Variants in NSD1 observed in about 807,000 individuals in gnomAD.
NSD1 encodes histone-lysine N-methyltransferase, H3 lysine-36 specific.
Under a neutral mutation model 242.7 loss-of-function variants are expected in NSD1, and 26 were observed. That is an observed-to-expected ratio of 0.11 (90% CI 0.08 to 0.15). NSD1 has a LOEUF of 0.15. Ranked by LOEUF, NSD1 falls within the 10% of genes least tolerant of loss-of-function variation. The pLI, the probability that NSD1 is intolerant of heterozygous loss-of-function variation, is 1.00. For synonymous variants in NSD1, 1,106 were observed against 1,178.1 expected, an observed-to-expected ratio of 0.94 and a Z score of 1.25; for missense variants, 2,495 against 3,272.8, an observed-to-expected ratio of 0.76 and a Z score of 5.80.
chr5:177,148,685 C>T (rs1172306221), intron 2 of NSD1, among the ~76,000 whole-genome samples: 3 of 152,142 alleles, frequency 2.0e-5, no homozygotes, highest in Admixed American at 1.3e-4. Context: ...CTCGGCCTCC[C>T]GAAGTGCTGG....
At chr5:177,139,762 C>T (rs1445740364) in intron 2 of NSD1, among the ~76,000 whole-genome samples, 2 of 152,002 alleles carry the variant, frequency 1.3e-5, no homozygotes, top group African/African-American at 2.4e-5. Context: ...TGAAACTAGA[C>T]TGGGCAACAT....
At chr5:177,267,475 GAAAAT>G (rs1264735837) in intron 14 of NSD1, 82 bp from the exon 15 acceptor site, 2 of 1,129,112 alleles carry the variant, frequency 1.8e-6, no homozygotes, top group Non-Finnish European at 2.6e-6. Flanking sequence ...TGAAGAGAAA[GAAAAT>G]ATATATATAT....
At chr5:177,168,036 C>T (rs916518449) in intron 2 of NSD1, among the ~76,000 whole-genome samples, 2 of 152,160 alleles carry the variant, frequency 1.3e-5, no homozygotes, top group African/African-American at 2.4e-5. Flanking sequence ...GAATTTTCAT[C>T]GGGATTCCAC....
rs185567009 is a variant in NSD1, at chr5:177,144,809, C to T, written c.927+8779C>T. On this transcript the variant is annotated intron_variant, in intron 2 of 22. Coordinates refer to ENST00000439151, the MANE Select transcript of NSD1 (RefSeq NM_022455.5). Reference sequence around the variant, plus strand: ...TAGAAAAGTAATACTTGGCCGGGCGCGGTGGTTCACATCTATAATCCCAGC... The same window carrying T: ...TAGAAAAGTAATACTTGGCCGGGCGTGGTGGTTCACATCTATAATCCCAGC... 2.4e-3 allele frequency among the ~76,000 whole-genome samples: 362 copies of T among 152,100 alleles called. 3 individuals are homozygous for T. Among genetic ancestry groups the T allele is most frequent in the African/African-American group, 8.4e-3 (347 of 41,502 alleles).
chr5:177,281,282 A>G (rs978672009), intron 18 of NSD1, among the ~76,000 whole-genome samples: 1 of 152,162 alleles, frequency 6.6e-6, no homozygotes, highest in African/African-American at 2.4e-5. Context: ...TCTTCAACTT[A>G]AAACTTGGCA....
intron 2 of NSD1, among the ~76,000 whole-genome samples, chr5:177,180,456 A>G (rs1028996448): frequency 6.6e-6 from 1 of 151,768 alleles, no homozygotes; most frequent in Non-Finnish European, 1.5e-5. Context: ...GGGTCTTGCT[A>G]TGTTAGTCAG....
intron 2 of NSD1, among the ~76,000 whole-genome samples, chr5:177,171,260 T>G (rs1011392292): frequency 2.0e-5 from 3 of 151,300 alleles, no homozygotes; most frequent in Non-Finnish European, 4.4e-5. Context: ...TGAGCCAAGA[T>G]CACGCCGCTG....
intron 2 of NSD1, among the ~76,000 whole-genome samples, chr5:177,159,509 C>T (rs537706469): frequency 6.6e-6 from 1 of 152,008 alleles, no homozygotes; most frequent in African/African-American, 2.4e-5. Flanking sequence ...TCTCAAAACT[C>T]CTGACCTCAG....
At chr5:177,226,555 C>G (rs1021591981) in intron 5 of NSD1, among the ~76,000 whole-genome samples, 1 of 152,156 alleles carries the variant, frequency 6.6e-6, no homozygotes, top group Non-Finnish European at 1.5e-5. Flanking sequence ...CTTTCCTTCA[C>G]TTGAGAGATC....
chr5:177,235,738 T>TG, intron 5 of NSD1, 83 bp from the exon 6 acceptor site: 1 of 1,565,560 alleles, frequency 6.4e-7, no homozygotes, highest in East Asian at 2.2e-5. Context: ...TGGTTACTTT[T>TG]GGGAGTATCA....
In NSD1 at chr5:177,269,170, A is replaced by AT. The variant is rs1757758925; in HGVS notation, c.5304-432_5304-431insT. Among the ~76,000 whole-genome samples, 1 of 151,636 alleles carries AT rather than the reference A, an allele frequency of 6.6e-6. No homozygotes were observed. Among genetic ancestry groups the AT allele is most frequent in the African/African-American group, 2.4e-5 (1 of 41,344 alleles). On this transcript the variant is annotated intron_variant, in intron 15 of 22. Coordinates refer to ENST00000439151, the MANE Select transcript of NSD1 (RefSeq NM_022455.5). This position sits in a 1 kb window ranked among gnomAD's most constrained non-coding sequence, Gnocchi z 5.1. ...CTTGGTGCTGTTCTCCCATATTCCT[A>AT]CTAATTATTGAAGGTTTCCTTTTTA...
intron 2 of NSD1, among the ~76,000 whole-genome samples, chr5:177,146,939 G>A (rs1419542293): frequency 1.3e-5 from 2 of 151,732 alleles, no homozygotes; most frequent in East Asian, 1.9e-4. Context: ...CCCAGGAGGC[G>A]GAAGTTGCAG....
intron 4 of NSD1, among the ~76,000 whole-genome samples, chr5:177,208,726 T>A (rs78452329): frequency 4.2e-4 from 64 of 151,940 alleles, no homozygotes; most frequent in African/African-American, 1.5e-3. Flanking sequence ...TTAATTAATT[T>A]TTTGAGATGG....
intron 2 of NSD1, among the ~76,000 whole-genome samples, chr5:177,189,100 G>T (rs1484726021): frequency 6.6e-6 from 1 of 152,076 alleles, no homozygotes; most frequent in Non-Finnish European, 1.5e-5. Context: ...TCTTACCCTA[G>T]AATTAGGAAT....
At chr5:177,172,711 C>G (rs138948725) in intron 2 of NSD1, among the ~76,000 whole-genome samples, 3 of 152,262 alleles carry the variant, frequency 2.0e-5, no homozygotes, top group African/African-American at 7.2e-5. Context: ...ATAATCCCAG[C>G]ATTTTGAGAG....
rs1176841649 is a variant in NSD1, at chr5:177,134,944, C to T, written c.-17-143C>T. The T allele has an allele frequency of 4.3e-6, 3 of 691,872 alleles. No homozygotes were observed. The highest frequency in any genetic ancestry group is 3.9e-4 in the Middle Eastern group (1 of 2,550). 42.9% of individuals were successfully genotyped at this position (691,872 alleles called of 1,614,324 possible). A position where few individuals can be genotyped will look rare whatever the true frequency, so the allele number is the denominator to read the frequency against. On this transcript the variant is annotated intron_variant, in intron 1 of 22. Coordinates refer to ENST00000439151, the MANE Select transcript of NSD1 (RefSeq NM_022455.5). The surrounding 1 kb of genome is among the most constrained non-coding windows in gnomAD (Gnocchi z 4.2). ...AGGCTCATCGAGGCCATTTTTTCAT[C>T]TCCAGTCGGGGGAACTTTTTCTGCC...
intron 2 of NSD1, among the ~76,000 whole-genome samples, chr5:177,175,052 T>C (rs1760075974): frequency 6.6e-6 from 1 of 151,616 alleles, no homozygotes; most frequent in South Asian, 2.1e-4. Context: ...TTTGTATTTT[T>C]AGTAGAGACG....
At chr5:177,162,897 T>C (rs554893498) in intron 2 of NSD1, among the ~76,000 whole-genome samples, 1 of 152,140 alleles carries the variant, frequency 6.6e-6, no homozygotes, top group Non-Finnish European at 1.5e-5. Flanking sequence ...ATTCATGAGC[T>C]CAAGTGATCT....
At chr5:177,213,470 T>C (rs1562216051) in intron 5 of NSD1, among the ~76,000 whole-genome samples, 1 of 152,184 alleles carries the variant, frequency 6.6e-6, no homozygotes, top group Non-Finnish European at 1.5e-5. Context: ...CAGGTTTTTT[T>C]TTCTTTTTTT....
Sources: gnomAD v4.1 joint callset for allele counts (sites outside exome capture counted in the v4.1 genomes callset) on GRCh38, gnomAD v4.1.1 for gene constraint, Gnocchi (gnomAD v3.1) non-coding constraint, MANE v1.5 for transcripts, NCBI Gene and HGNC (gene_info 2026-07-23, HGNC 2026-07-21) for gene names.